Variants in ZC3H18 observed in about 807,000 individuals in gnomAD.
ZC3H18 encodes zinc finger CCCH domain-containing protein 18.
ZC3H18 carries 8 observed loss-of-function variants against 106.1 expected under a neutral mutation model. The observed-to-expected ratio is 0.08, with a 90% CI of 0.04 to 0.14. The LOEUF is 0.14. Among genes scored for constraint, ZC3H18 ranks in the 10% least tolerant of loss-of-function variants. The probability of loss-of-function intolerance (pLI) is 1.00; values close to 1 mark genes in which losing one functional copy is unlikely to be tolerated. For synonymous variants in ZC3H18, 635 were observed against 522.1 expected, an observed-to-expected ratio of 1.22 and a Z score of -2.95; for missense variants, 1,318 against 1,278.4, an observed-to-expected ratio of 1.03 and a Z score of -0.47.
At chr16:88,588,074 C>G (rs1156681676) in intron 3 of ZC3H18, among the ~76,000 whole-genome samples, 10 of 152,188 alleles carry the variant, frequency 6.6e-5, no homozygotes, top group African/African-American at 2.2e-4. Flanking sequence ...ACAGACACAC[C>G]TAAGAATGCA....
chr16:88,579,281 A>G (rs1006372716), intron 2 of ZC3H18, among the ~76,000 whole-genome samples: 7 of 152,278 alleles, frequency 4.6e-5, no homozygotes, highest in African/African-American at 1.7e-4. Context: ...CAGGTTCATC[A>G]GCTGGGGGAG....
At chr16:88,597,710 G>A (rs1440958630) in intron 3 of ZC3H18, among the ~76,000 whole-genome samples, 1 of 152,190 alleles carries the variant, frequency 6.6e-6, no homozygotes, top group Non-Finnish European at 1.5e-5. Flanking sequence ...AAATGCAGAC[G>A]TACAGAGGTG....
chr16:88,626,094 A>T (rs1257932144), intron 13 of ZC3H18: 2 of 152,002 alleles, frequency 1.3e-5, no homozygotes. Flanking sequence ...AAGTGCTGGG[A>T]TTACATGCGT....
chr16:88,581,967 G>A (rs72809426), intron 2 of ZC3H18, among the ~76,000 whole-genome samples: 25,824 of 152,052 alleles, frequency 0.17, 2,235 homozygotes, highest in East Asian at 0.24. Context: ...CAGGCCTTCC[G>A]TCACCTGGAG....
Position 88,622,268 on chromosome 16 carries a change from A to C in ZC3H18, c.1547A>C (p.Lys516Thr). The C allele has an allele frequency of 6.2e-7, 1 of 1,614,166 alleles. No homozygotes were observed. The highest frequency in any genetic ancestry group is 8.5e-7 in the Non-Finnish European group (1 of 1,180,000). ...GPQVKRADEW[K>T]DPWRRSKSPK... The stretch of plus-strand genomic sequence containing the variant: ...CAGGTGAAGAGAGCAGATGAGTGGA[A>C]GGACCCTTGGCGCCGATCCAAGTCT... Residue 516 changes from lysine to threonine, a missense_variant, in exon 9 of 18, where the codon AAG becomes ACG. Physicochemically the swap from Lys to Thr is moderately conservative, Grantham distance 78. Transcript: ENST00000301011.
chr16:88,594,494 C>G (rs1199910683), intron 3 of ZC3H18, among the ~76,000 whole-genome samples: 1 of 152,176 alleles, frequency 6.6e-6, no homozygotes, highest in Non-Finnish European at 1.5e-5. Context: ...TGTTTAGTTT[C>G]CGGATTTTCC....
rs1210206961 is a variant in ZC3H18, at chr16:88,623,299, C to T, written c.1748C>T (p.Ser583Phe). The change falls in exon 10 of 18, where the codon TCC becomes TTC. Residue 583 changes from serine (S) to phenylalanine (F), a missense_variant. Ser to Phe is a radical substitution (Grantham distance 155). Around this residue, in one of 6 missense-constraint regions of ZC3H18, gnomAD observed 848 missense variants for 821.7 expected, o/e 1.03. Coordinates refer to ENST00000301011, the MANE Select transcript of ZC3H18 (RefSeq NM_144604.4). ...RSRSSSYSSY[S>F]SRSSRHSSFS... ...CGGTCTTCATCCTACAGCTCCTACT[C>T]CAGCCGCTCTTCCAGACACAGCTCG... The T allele has an allele frequency of 6.2e-7, 1 of 1,613,894 alleles. No homozygotes were observed. Among genetic ancestry groups the T allele is most frequent in the South Asian group, 1.1e-5 (1 of 91,088 alleles).
At chr16:88,607,871 C>T (rs573363201) in intron 6 of ZC3H18, among the ~76,000 whole-genome samples, 3 of 152,372 alleles carry the variant, frequency 2.0e-5, no homozygotes, top group African/African-American at 7.2e-5. Flanking sequence ...CTTATTCACA[C>T]ACACTTTGTG....
At chr16:88,586,789 C>A in intron 3 of ZC3H18, 105 bp downstream of exon 3, 1 of 828,190 alleles carries the variant, frequency 1.2e-6, no homozygotes, top group Non-Finnish European at 2.0e-6. Context: ...CAAGGCAGTT[C>A]TCTGGGCATT....
intron 6 of ZC3H18, among the ~76,000 whole-genome samples, chr16:88,607,079 C>A (rs1173124038): frequency 6.6e-6 from 1 of 152,184 alleles, no homozygotes; most frequent in Admixed American, 6.5e-5. Context: ...AGCAGGCCCC[C>A]CCCAACCCTG....
chr16:88,600,599 A>G (rs1347140725), intron 6 of ZC3H18, among the ~76,000 whole-genome samples: 1 of 152,142 alleles, frequency 6.6e-6, no homozygotes, highest in Non-Finnish European at 1.5e-5. Context: ...TTTTTAGTAG[A>G]GATGGATTTC....
intron 8 of ZC3H18, 119 bp downstream of exon 8, chr16:88,611,655 A>G: frequency 7.1e-7 from 1 of 1,406,010 alleles, no homozygotes; most frequent in South Asian, 1.5e-5. Flanking sequence ...CCAGGGGACC[A>G]GTGCAGGCCC....
chr16:88,598,272 G>T lies in ZC3H18; in HGVS notation c.783G>T (p.Pro261=). Residue 261 remains proline, a synonymous_variant, in exon 4 of 18, where the codon CCG becomes CCT. Transcript: ENST00000301011. ...TAATCACCAAAGCCGACCCCTTCCCGCCTAATGGTGCCCCGCCTCTCGGAC... is the reference window on the plus strand; with the variant it reads ...TAATCACCAAAGCCGACCCCTTCCCTCCTAATGGTGCCCCGCCTCTCGGAC... ...YSLITKADPF[P]PNGAPPLGPH... 6.2e-7 allele frequency: 1 copy of T among 1,612,638 alleles called. No homozygotes were observed. The highest frequency in any genetic ancestry group is 8.5e-7 in the Non-Finnish European group (1 of 1,179,510).
In ZC3H18 at chr16:88,627,311, C is replaced by T; in HGVS notation, c.2109-311C>T. On this transcript the variant is annotated intron_variant, in intron 13 of 17. Coordinates refer to ENST00000301011, the MANE Select transcript of ZC3H18 (RefSeq NM_144604.4). This position sits in a 1 kb window ranked among gnomAD's most constrained non-coding sequence, Gnocchi z 4.5. ...TCCCGAACTCCTGACATCAGTTCAGCTGGGTCTCAGACCCCATTGCTCGTG... is the reference window on the plus strand; with the variant it reads ...TCCCGAACTCCTGACATCAGTTCAGTTGGGTCTCAGACCCCATTGCTCGTG... 1 of 248,142 alleles carries T rather than the reference C, an allele frequency of 4.0e-6. No individual in the cohort carries two copies. Among genetic ancestry groups the T allele is most frequent in the Non-Finnish European group, 7.8e-6 (1 of 128,636 alleles). The allele number at this position is 248,142 out of a possible 1,614,324, so 15.4% of individuals were successfully genotyped here. A position where few individuals can be genotyped will look rare whatever the true frequency, so the allele number is the denominator to read the frequency against.
At chr16:88,572,161 A>G (rs1206962165) in intron 1 of ZC3H18, among the ~76,000 whole-genome samples, 1 of 152,242 alleles carries the variant, frequency 6.6e-6, no homozygotes, top group Non-Finnish European at 1.5e-5. Flanking sequence ...TGCCACCACT[A>G]AGAATACCAG....
At chr16:88,583,942 C>A (rs1279723017) in intron 2 of ZC3H18, among the ~76,000 whole-genome samples, 1 of 152,176 alleles carries the variant, frequency 6.6e-6, no homozygotes, top group Non-Finnish European at 1.5e-5. Context: ...CCCGGAGTTC[C>A]TGCGTGGCAG....
In ZC3H18 at chr16:88,628,265, G is replaced by A. The variant is rs182510089; in HGVS notation, c.2469+146G>A. 1.5e-3 allele frequency: 1,480 copies of A among 958,248 alleles called. 1 individual carries two copies. Among genetic ancestry groups the A allele is most frequent in the Non-Finnish European group, 1.8e-3 (1,208 of 660,090 alleles). The allele number at this position is 958,248 out of a possible 1,614,324, so 59.4% of individuals were successfully genotyped here. On this transcript the variant is annotated intron_variant, in intron 15 of 17. Coordinates refer to ENST00000301011, the MANE Select transcript of ZC3H18 (RefSeq NM_144604.4). ...GTCAGCACAGCCTGGGTAACAAAGC[G>A]AGACTCCATCTTTCCGGCCTGGGCT...
intron 6 of ZC3H18, among the ~76,000 whole-genome samples, chr16:88,606,860 C>T (rs764148731): frequency 2.6e-5 from 4 of 152,150 alleles, no homozygotes; most frequent in African/African-American, 7.2e-5. Context: ...GAGGAGGCCT[C>T]GAGGGTGTTC....
intron 8 of ZC3H18, among the ~76,000 whole-genome samples, chr16:88,615,486 G>A (rs1458116677): frequency 6.6e-6 from 1 of 152,212 alleles, no homozygotes; most frequent in Non-Finnish European, 1.5e-5. Flanking sequence ...TGGGGGTGCT[G>A]TCCGTGAGTT....
Sources: allele counts gnomAD v4.1 joint callset (sites outside exome capture counted in the v4.1 genomes callset), GRCh38; gene constraint gnomAD v4.1.1; regional missense constraint gnomAD v4.1.1; non-coding constraint Gnocchi (gnomAD v3.1); transcripts MANE v1.5; gene names NCBI Gene and HGNC (gene_info 2026-07-23, HGNC 2026-07-21).